Variants in HPSE2 observed in about 807,000 individuals in gnomAD.
HPSE2 encodes heparanase 2 (inactive).
A neutral mutation model predicts 60.5 loss-of-function variants in HPSE2; 38 were observed. That is an observed-to-expected ratio of 0.63 (90% CI 0.48 to 0.82). The LOEUF is 0.82. HPSE2 is among the 40% of genes least tolerant of loss of function. The pLI, the probability that HPSE2 is intolerant of heterozygous loss-of-function variation, is 0.00. For synonymous variants in HPSE2, 295 were observed against 293.2 expected (o/e 1.01, Z -0.06); for missense variants, 713 against 740.4 (o/e 0.96, Z 0.43).
intron 11 of HPSE2, 84 bp downstream of exon 11, chr10:98,482,552 A>G: frequency 6.5e-7 from 1 of 1,545,404 alleles, no homozygotes; most frequent in Non-Finnish European, 8.9e-7. Context: ...TGAGAGAATT[A>G]GCAGCAACCT....
intron 6 of HPSE2, among the ~76,000 whole-genome samples, chr10:98,649,073 G>A (rs781071663): frequency 1.6e-4 from 24 of 152,236 alleles, no homozygotes; most frequent in Non-Finnish European, 2.4e-4. Flanking sequence ...AGGAATGATA[G>A]GGTCTATCTA....
intron 9 of HPSE2, among the ~76,000 whole-genome samples, chr10:98,551,741 CT>C (rs1415267470): frequency 6.6e-6 from 1 of 151,998 alleles, no homozygotes; most frequent in African/African-American, 2.4e-5. Flanking sequence ...CTAATAAATT[CT>C]TTTTTTTCTT....
At chr10:98,919,288 A>G (rs1369728729) in intron 3 of HPSE2, among the ~76,000 whole-genome samples, 1 of 152,198 alleles carries the variant, frequency 6.6e-6, no homozygotes, top group Non-Finnish European at 1.5e-5. Context: ...GAAAGCATGA[A>G]GGGGAGAATA....
chr10:98,845,974 A>T (rs1952025348), intron 3 of HPSE2, among the ~76,000 whole-genome samples: 1 of 152,196 alleles, frequency 6.6e-6, no homozygotes, highest in Admixed American at 6.5e-5. Flanking sequence ...CCTTGAACAG[A>T]TGCAGAATAA....
chr10:98,972,891 T>G (rs182154613), intron 3 of HPSE2, among the ~76,000 whole-genome samples: 9 of 152,134 alleles, frequency 5.9e-5, no homozygotes, highest in Non-Finnish European at 1.3e-4. Context: ...AAGACATGTA[T>G]GGGGTGGGGA....
At chr10:98,959,307 C>T (rs941074132) in intron 3 of HPSE2, among the ~76,000 whole-genome samples, 11 of 150,328 alleles carry the variant, frequency 7.3e-5, no homozygotes, top group African/African-American at 2.7e-4. Flanking sequence ...TTTCACATTC[C>T]CCACAGAACA....
chr10:98,674,691 G>A (rs1377557384), intron 6 of HPSE2, among the ~76,000 whole-genome samples: 2 of 152,184 alleles, frequency 1.3e-5, no homozygotes, highest in African/African-American at 4.8e-5. Context: ...GAGGTGGGCA[G>A]ATCACCTGAG....
At chr10:99,314,988 G>C in the HPSE2 span, among the ~76,000 whole-genome samples, 1 of 152,192 alleles carries the variant, frequency 6.6e-6, no homozygotes, top group African/African-American at 2.4e-5. Flanking sequence ...CAAGATTTGA[G>C]TCAATCACTT....
intron 7 of HPSE2, among the ~76,000 whole-genome samples, chr10:98,638,032 C>T (rs1235388533): frequency 2.0e-5 from 3 of 146,824 alleles, no homozygotes; most frequent in East Asian, 2.1e-4. Context: ...CCCAGCTACC[C>T]GGGAAGCTGA....
At chr10:99,221,063 T>G (rs1002494857) in intron 2 of HPSE2, among the ~76,000 whole-genome samples, 1 of 151,960 alleles carries the variant, frequency 6.6e-6, no homozygotes, top group Admixed American at 6.5e-5. Context: ...CTGGCTGGTC[T>G]CAAACTCCTG....
chr10:98,662,505 T>G (rs1947252371), intron 6 of HPSE2, among the ~76,000 whole-genome samples: 1 of 152,146 alleles, frequency 6.6e-6, no homozygotes, highest in Admixed American at 6.5e-5. Context: ...AGCTAAATGA[T>G]GAGACCACAT....
At chr10:98,689,039 C>T (rs1948005717) in intron 6 of HPSE2, among the ~76,000 whole-genome samples, 1 of 151,912 alleles carries the variant, frequency 6.6e-6, no homozygotes, top group South Asian at 2.1e-4. Flanking sequence ...TTTTTGTTCT[C>T]AGCAGTTTGA....
the HPSE2 span, among the ~76,000 whole-genome samples, chr10:99,257,456 C>T: frequency 6.6e-6 from 1 of 152,108 alleles, no homozygotes; most frequent in Admixed American, 6.6e-5. Context: ...CGGGGGGCAG[C>T]TGTCTTTTAT....
the HPSE2 span, among the ~76,000 whole-genome samples, chr10:99,288,069 G>C: frequency 7.9e-5 from 12 of 152,122 alleles, no homozygotes; most frequent in African/African-American, 2.4e-4. Context: ...GTAAGAATAG[G>C]GTTCACAGTA....
chr10:98,763,369 C>T (rs2134394134), intron 3 of HPSE2, among the ~76,000 whole-genome samples: 1 of 151,748 alleles, frequency 6.6e-6, no homozygotes, highest in Admixed American at 6.6e-5. Context: ...ACAATGTAAA[C>T]TAAAAACCAA....
the HPSE2 span, among the ~76,000 whole-genome samples, chr10:99,248,846 T>C: frequency 2.1e-4 from 32 of 152,316 alleles, no homozygotes; most frequent in African/African-American, 7.0e-4. Flanking sequence ...GCTCAAGCCA[T>C]GGCTAAAAGA....
At chr10:99,009,135 G>A (rs1382808085) in intron 3 of HPSE2, among the ~76,000 whole-genome samples, 1 of 149,078 alleles carries the variant, frequency 6.7e-6, no homozygotes, top group Non-Finnish European at 1.5e-5. Context: ...GCCAGACACA[G>A]TGGCTCAACT....
At chr10:98,918,274 T>C (rs2135050975) in intron 3 of HPSE2, among the ~76,000 whole-genome samples, 1 of 152,324 alleles carries the variant, frequency 6.6e-6, no homozygotes, top group East Asian at 1.9e-4. Context: ...AGTGTGGCGA[T>C]TCCTCAGGGA....
intron 9 of HPSE2, among the ~76,000 whole-genome samples, chr10:98,501,195 G>A (rs2133710035): frequency 1.3e-5 from 2 of 152,122 alleles, no homozygotes; most frequent in East Asian, 3.9e-4. Context: ...TTCATTCTAT[G>A]AAGCCAGCAT....
Sources: allele counts gnomAD v4.1 joint callset (sites outside exome capture counted in the v4.1 genomes callset), GRCh38; gene constraint gnomAD v4.1.1; transcripts MANE v1.5; gene names NCBI Gene and HGNC (gene_info 2026-07-23, HGNC 2026-07-21).